The following GEMIN5 variants were observed in gnomAD, a reference collection of about 807,000 sequenced individuals.
GEMIN5 encodes gem-associated protein 5.
A neutral mutation model predicts 176.9 loss-of-function variants in GEMIN5; 124 were observed. The ratio of observed to expected loss-of-function variants is 0.70; its 90% CI spans 0.61 to 0.81. The LOEUF (loss-of-function observed/expected upper bound fraction) is 0.81. Ranked by LOEUF, GEMIN5 falls within the 40% of genes least tolerant of loss-of-function variation. GEMIN5 has a pLI of 0.00. For missense variants in GEMIN5, 1,843 were observed against 1,814.6 expected, an observed-to-expected ratio of 1.02 and a Z score of -0.28; for synonymous variants, 673 against 665.2, an observed-to-expected ratio of 1.01 and a Z score of -0.18.
intron 3 of GEMIN5, 86 bp downstream of exon 3, chr5:154,935,755 G>A: frequency 1.1e-6 from 1 of 909,594 alleles, no homozygotes; most frequent in Admixed American, 2.2e-5. Context: ...TTCCTTTGAG[G>A]AATAAAAGGA....
chr5:154,920,553 C>G (rs1425123671), intron 10 of GEMIN5, among the ~76,000 whole-genome samples: 1 of 152,150 alleles, frequency 6.6e-6, no homozygotes, highest in Admixed American at 6.5e-5. Flanking sequence ...CAGCAATCTT[C>G]TTGTTAATTT....
In GEMIN5 at chr5:154,896,075, T is replaced by C. The variant is rs1004091175; in HGVS notation, c.3597+17A>G. The C allele has an allele frequency of 2.9e-5, 46 of 1,611,110 alleles. No homozygotes were observed. Among genetic ancestry groups the C allele is most frequent in the Admixed American group, 1.5e-4 (9 of 58,968 alleles). On this transcript the variant is annotated intron_variant, in intron 24 of 27. Transcript: ENST00000285873. Reference sequence around the variant, plus strand: ...CCACTGAGTGATTAATGTCAAATGCTGGTACAGATGGCTTACCTGTTTGGC... The same window carrying C: ...CCACTGAGTGATTAATGTCAAATGCCGGTACAGATGGCTTACCTGTTTGGC...
intron 16 of GEMIN5, 67 bp from the exon 17 acceptor site, chr5:154,905,543 G>T: frequency 1.3e-6 from 1 of 748,182 alleles, no homozygotes; most frequent in Non-Finnish European, 2.2e-6. Flanking sequence ...TCAGTTCTTT[G>T]TAAAAATTAA....
chr5:154,936,899 T>C (rs1764281259), intron 2 of GEMIN5, 126 bp downstream of exon 2: 4 of 729,350 alleles, frequency 5.5e-6, no homozygotes, highest in Non-Finnish European at 9.1e-6. Flanking sequence ...ATATAGTTTC[T>C]TATCTAATTA....
chr5:154,916,097 A>G (rs1763803715), intron 13 of GEMIN5, among the ~76,000 whole-genome samples: 4 of 151,964 alleles, frequency 2.6e-5, no homozygotes, highest in Admixed American at 2.6e-4. Flanking sequence ...TACATTGCCC[A>G]GGCTGGTTTC....
Position 154,924,516 on chromosome 5 carries a change from A to G in GEMIN5, c.1332T>C (p.Phe444=), listed in dbSNP as rs1763987718. 1 of 1,612,858 alleles carries G rather than the reference A, an allele frequency of 6.2e-7. No homozygotes were observed. Among genetic ancestry groups the G allele is most frequent in the Admixed American group, 1.7e-5 (1 of 59,978 alleles). ...WHPTKEGCLA[F]GTDDGKVGLY... ...ATCCCACTTTTCCATCATCAGTTCCAAAAGCTAAGCAACCTTCCTTGGTTG... is the reference window on the plus strand; with the variant it reads ...ATCCCACTTTTCCATCATCAGTTCCGAAAGCTAAGCAACCTTCCTTGGTTG... The change falls in exon 9 of 28, where the codon TTT becomes TTC. Residue 444 remains phenylalanine, a synonymous_variant. Transcript: ENST00000285873.
chr5:154,910,703 C>T (rs1250088835), intron 15 of GEMIN5, among the ~76,000 whole-genome samples: 1 of 151,990 alleles, frequency 6.6e-6, no homozygotes, highest in Non-Finnish European at 1.5e-5. Context: ...CTTACTTTCT[C>T]TTTTTTTTGT....
intron 15 of GEMIN5, among the ~76,000 whole-genome samples, chr5:154,908,638 T>A (rs1247814188): frequency 6.6e-6 from 1 of 152,234 alleles, no homozygotes; most frequent in Non-Finnish European, 1.5e-5. Context: ...AAGACAGTTA[T>A]TTTGTCCAAT....
intron 6 of GEMIN5, 40 bp downstream of exon 6, chr5:154,928,487 A>C (rs753274223): frequency 6.2e-7 from 1 of 1,606,332 alleles, no homozygotes; most frequent in Non-Finnish European, 8.5e-7. Flanking sequence ...AAATAGAAAA[A>C]CAAAATATAT....
intron 2 of GEMIN5, 34 bp downstream of exon 2, chr5:154,936,991 A>T: frequency 6.3e-7 from 1 of 1,578,974 alleles, no homozygotes; most frequent in Non-Finnish European, 8.7e-7. Context: ...ACAGATAGAT[A>T]AAAACGGTTT....
rs574869771 is a variant in GEMIN5, at chr5:154,911,809, T to C, written c.2085A>G (p.Pro695=). The change falls in exon 15 of 28, where the codon CCA becomes CCG. Residue 695 remains proline, a synonymous_variant. Coordinates refer to ENST00000285873, the MANE Select transcript of GEMIN5 (RefSeq NM_015465.5). ...CATCTGCCCCTGAATAGATGCAGTC[T>C]GGATCCAAAGGAGACCATGCCACAC... is the stretch of plus-strand genomic sequence containing the variant. ...LLCVAWSPLD[P]DCIYSGADDF... The C allele has an allele frequency of 1.2e-6, 2 of 1,613,930 alleles. No homozygotes were observed. Among genetic ancestry groups the C allele is most frequent in the Middle Eastern group, 3.3e-4 (2 of 6,062 alleles).
intron 14 of GEMIN5, 42 bp downstream of exon 14, chr5:154,912,857 G>C: frequency 6.4e-7 from 1 of 1,552,000 alleles, no homozygotes; most frequent in Non-Finnish European, 8.8e-7. Flanking sequence ...ATTTGTTAGA[G>C]TACACAGTGA....
chr5:154,937,291 A>C, intron 1 of GEMIN5, 106 bp from the exon 2 acceptor site: 2 of 921,052 alleles, frequency 2.2e-6, no homozygotes, highest in Non-Finnish European at 3.3e-6. Flanking sequence ...GGAGTTACTT[A>C]ACCCATGGTA....
chr5:154,915,621 A>ACTT (rs1241662168), intron 13 of GEMIN5, among the ~76,000 whole-genome samples: 9 of 152,220 alleles, frequency 5.9e-5, no homozygotes, highest in African/African-American at 2.2e-4. Flanking sequence ...TAGCGATGCT[A>ACTT]CTTGCTTGAA....
Position 154,907,715 on chromosome 5 carries a change from C to A in GEMIN5, c.2271G>T (p.Ser757=), listed in dbSNP as rs777425419. The change falls in exon 16 of 28, where the codon TCG becomes TCT. Residue 757 remains serine, a synonymous_variant. Coordinates refer to ENST00000285873, the MANE Select transcript of GEMIN5 (RefSeq NM_015465.5). ...TGCTTTCTTCTTCATTTCCATCAAT[C>A]GATTCCAGCTTTACAGGAGTTCTCA... ...PTLRTPVKLE[S]IDGNEEESMK... 1 of 1,614,080 alleles carries A rather than the reference C, an allele frequency of 6.2e-7. No homozygotes were observed. Among genetic ancestry groups the A allele is most frequent in the Non-Finnish European group, 8.5e-7 (1 of 1,179,960 alleles).
At chr5:154,913,303 T>C (rs1763744492) in intron 13 of GEMIN5, among the ~76,000 whole-genome samples, 1 of 152,148 alleles carries the variant, frequency 6.6e-6, no homozygotes, top group South Asian at 2.1e-4. Flanking sequence ...GTCTAGGTGA[T>C]TTTTAGCAGG....
intron 26 of GEMIN5, among the ~76,000 whole-genome samples, chr5:154,890,060 G>T (rs1763191485): frequency 6.6e-6 from 1 of 152,204 alleles, no homozygotes; most frequent in Non-Finnish European, 1.5e-5. Flanking sequence ...TTTCCACAGT[G>T]GCTGCATCAT....
At chr5:154,916,656 T>C (rs962881771) in intron 13 of GEMIN5, among the ~76,000 whole-genome samples, 1 of 152,076 alleles carries the variant, frequency 6.6e-6, no homozygotes, top group African/African-American at 2.4e-5. Flanking sequence ...CCGGCAAATT[T>C]GTTTTTTATT....
intron 18 of GEMIN5, 49 bp from the exon 19 acceptor site, chr5:154,903,224 TAC>T: frequency 8.4e-7 from 1 of 1,194,782 alleles, no homozygotes; most frequent in East Asian, 2.3e-5. Flanking sequence ...TTACATTGAT[TAC>T]AGTTTTCTCT....
Sources: allele counts gnomAD v4.1 joint callset (sites outside exome capture counted in the v4.1 genomes callset), GRCh38; gene constraint gnomAD v4.1.1; transcripts MANE v1.5; gene names NCBI Gene and HGNC (gene_info 2026-07-23, HGNC 2026-07-21).